Variants in IPCEF1 observed in about 807,000 individuals in gnomAD.
IPCEF1 encodes the protein interactor protein for cytohesin exchange factors 1.
In IPCEF1, 31 loss-of-function variants were observed where a neutral mutation model predicts 50.9. That is an observed-to-expected ratio of 0.61 (90% CI 0.46 to 0.82). IPCEF1 has a LOEUF of 0.82. Ranked by LOEUF, IPCEF1 falls within the 40% of genes least tolerant of loss-of-function variation. The pLI, the probability that IPCEF1 is intolerant of heterozygous loss-of-function variation, is 0.00. For missense variants in IPCEF1, 458 were observed against 514.0 expected, an observed-to-expected ratio of 0.89 and a Z score of 1.05; for synonymous variants, 181 against 192.0, an observed-to-expected ratio of 0.94 and a Z score of 0.47.
intron 3 of IPCEF1, among the ~76,000 whole-genome samples, chr6:154,253,392 A>G (rs1018076588): frequency 6.6e-6 from 1 of 152,232 alleles, no homozygotes; most frequent in African/African-American, 2.4e-5. Context: ...AGAAGTAATA[A>G]CATTAATGCA....
At chr6:154,167,895 C>T (rs746683030) in intron 11 of IPCEF1, 25 bp downstream of exon 11, 8 of 1,538,866 alleles carry the variant, frequency 5.2e-6, no homozygotes, top group Middle Eastern at 3.4e-4. Flanking sequence ...CCATAGAGTT[C>T]ATCCACAATT....
intron 1 of IPCEF1, among the ~76,000 whole-genome samples, chr6:154,335,815 A>T (rs977274798): frequency 7.2e-5 from 11 of 152,204 alleles, no homozygotes; most frequent in African/African-American, 2.7e-4. Context: ...AAATCAAATA[A>T]TCTCATTAAA....
In IPCEF1 at chr6:154,213,194, T is replaced by C. The variant is rs141899058; in HGVS notation, c.452-339A>G. On this transcript the variant is annotated intron_variant, in intron 8 of 11. Transcript: ENST00000367220. ...TGATTAATTTTGATTGTAGGAATCC[T>C]AATGAATTGAAACTGGCAGGATCAC... 9.9e-3 allele frequency: 2,585 copies of C among 260,048 alleles called. 19 individuals carry two copies. The highest frequency in any genetic ancestry group is 0.016 in the Non-Finnish European group (2,048 of 131,816). 16.1% of individuals were successfully genotyped at this position (260,048 alleles called of 1,614,324 possible). A position where few individuals can be genotyped will look rare whatever the true frequency, so the allele number is the denominator to read the frequency against.
At chr6:154,249,457 A>G (rs1781283374) in intron 3 of IPCEF1, among the ~76,000 whole-genome samples, 1 of 152,204 alleles carries the variant, frequency 6.6e-6, no homozygotes, top group African/African-American at 2.4e-5. Flanking sequence ...TCTGGGGTCC[A>G]GGAGTCCCTA....
intron 1 of IPCEF1, among the ~76,000 whole-genome samples, chr6:154,321,275 C>A (rs1459363604): frequency 6.6e-6 from 1 of 151,970 alleles, no homozygotes; most frequent in Non-Finnish European, 1.5e-5. Context: ...ACAATATTAC[C>A]TTTGAATAGT....
intron 5 of IPCEF1, among the ~76,000 whole-genome samples, chr6:154,243,029 A>C (rs1326280992): frequency 2.0e-5 from 3 of 152,154 alleles, no homozygotes; most frequent in Non-Finnish European, 4.4e-5. Flanking sequence ...GTTTGATGGA[A>C]TTGGATAGGA....
chr6:154,169,455 C>T (rs1799698469), intron 10 of IPCEF1, among the ~76,000 whole-genome samples: 2 of 152,148 alleles, frequency 1.3e-5, no homozygotes, highest in African/African-American at 2.4e-5. Context: ...CATCTTTAAA[C>T]CCATGCAAGT....
chr6:154,191,546 C>T (rs775978257), intron 10 of IPCEF1, among the ~76,000 whole-genome samples: 5 of 151,762 alleles, frequency 3.3e-5, no homozygotes, highest in Non-Finnish European at 5.9e-5. Flanking sequence ...TGGTGGCGAG[C>T]GCCTATAGTC....
Position 154,159,920 on chromosome 6 carries a change from G to C in IPCEF1, c.1225C>G (p.Gln409Glu). 3.7e-6 allele frequency: 6 copies of C among 1,613,728 alleles called. No homozygotes were observed. The highest frequency in any genetic ancestry group is 5.1e-6 in the Non-Finnish European group (6 of 1,179,908). Residue 409 changes from glutamine to glutamate, a missense_variant, in exon 12 of 12, where the codon CAG (glutamine) becomes GAG (glutamate). Coordinates refer to ENST00000367220, the MANE Select transcript of IPCEF1 (RefSeq NM_001130700.2). ...TCATCAGGGGCAGGCGAAGCCCGCT[G>C]CTGCTGATAGATGTCCTGGATCAGC... ...TLLIQDIYQQ[Q>E]RASPAPDDTD...
At chr6:154,255,953 G>A (rs550536085) in intron 3 of IPCEF1, among the ~76,000 whole-genome samples, 6 of 151,958 alleles carry the variant, frequency 3.9e-5, no homozygotes, top group East Asian at 1.9e-4. Context: ...ACATTTTGTC[G>A]AGCTTTTAAC....
At chr6:154,267,104 G>A (rs1444249135) in intron 2 of IPCEF1, among the ~76,000 whole-genome samples, 1 of 149,766 alleles carries the variant, frequency 6.7e-6, no homozygotes, top group Non-Finnish European at 1.5e-5. Context: ...CACAATAAAA[G>A]GACTGATAAA....
intron 2 of IPCEF1, among the ~76,000 whole-genome samples, chr6:154,276,280 AAAGAAAAAAAAAG>A (rs1384485573): frequency 2.3e-4 from 2 of 8,706 alleles, no homozygotes; most frequent in Non-Finnish European, 4.8e-4. Context: ...AGAAAAAAGA[AAAGAAAAAAAAAG>A]AAAAGAAAAG....
chr6:154,290,380 A>T (rs1782483284), intron 1 of IPCEF1, among the ~76,000 whole-genome samples: 1 of 152,226 alleles, frequency 6.6e-6, no homozygotes, highest in South Asian at 2.1e-4. Flanking sequence ...TACCATGCTG[A>T]TGTATAAAAC....
intron 11 of IPCEF1, among the ~76,000 whole-genome samples, chr6:154,163,532 T>C (rs1799191930): frequency 6.6e-6 from 1 of 152,212 alleles, no homozygotes; most frequent in Admixed American, 6.5e-5. Flanking sequence ...ATTATGTTTG[T>C]TTATTCTCCT....
intron 10 of IPCEF1, among the ~76,000 whole-genome samples, chr6:154,176,953 T>G (rs1452409539): frequency 6.6e-6 from 1 of 151,862 alleles, no homozygotes; most frequent in Non-Finnish European, 1.5e-5. Flanking sequence ...TATAGACCAA[T>G]GGAACAGAAC....
At chr6:154,284,400 G>A (rs1782305234) in intron 2 of IPCEF1, among the ~76,000 whole-genome samples, 1 of 152,208 alleles carries the variant, frequency 6.6e-6, no homozygotes, top group Non-Finnish European at 1.5e-5. Flanking sequence ...TGTACTCTAT[G>A]TCTAGTTCTC....
intron 1 of IPCEF1, among the ~76,000 whole-genome samples, chr6:154,351,349 C>T (rs557552896): frequency 4.6e-5 from 7 of 152,298 alleles, no homozygotes; most frequent in African/African-American, 1.7e-4. Context: ...TCTGAGGTCC[C>T]CCCAGTCCCC....
chr6:154,159,679 T>A lies in IPCEF1; in HGVS notation c.*149A>T. The A allele has an allele frequency of 1.5e-6, 1 of 655,786 alleles. No homozygotes were observed. The highest frequency in any genetic ancestry group is 2.7e-6 in the Non-Finnish European group (1 of 374,512). The allele number at this position is 655,786 out of a possible 1,614,324, so 40.6% of individuals were successfully genotyped here. On this transcript the variant is annotated 3_prime_UTR_variant, in exon 12 of 12. Coordinates refer to ENST00000367220, the MANE Select transcript of IPCEF1 (RefSeq NM_001130700.2). ...GAGGAGCCCTGGTGTATTCGGTGAT[T>A]ATCTTCATCTAACGTGCATCTTTAG... is the stretch of plus-strand genomic sequence containing the variant.
rs372186927 is a variant in IPCEF1, at chr6:154,211,837, C to T, written c.537+933G>A. 5.3e-5 allele frequency among the ~76,000 whole-genome samples: 8 copies of T among 152,068 alleles called. No homozygotes were observed. In the South Asian group the frequency reaches 1.7e-3, roughly 31 times the overall value. On this transcript the variant is annotated intron_variant, in intron 9 of 11. Transcript: ENST00000367220. ...CTATAGCTGTAGAGCTGACAAAGGACTAACACATAGAATAATAAATTAAGA... is the reference window on the plus strand; with the variant it reads ...CTATAGCTGTAGAGCTGACAAAGGATTAACACATAGAATAATAAATTAAGA...
Sources: gnomAD v4.1 joint callset for allele counts (sites outside exome capture counted in the v4.1 genomes callset) on GRCh38, gnomAD v4.1.1 for gene constraint, MANE v1.5 for transcripts, NCBI Gene and HGNC (gene_info 2026-07-23, HGNC 2026-07-21) for gene names.